KANK1: variants seen among roughly 807,000 people sequenced by gnomAD.
KANK1 encodes KN motif and ankyrin repeat domain-containing protein 1.
A neutral mutation model predicts 106.2 loss-of-function variants in KANK1; 109 were observed. The observed-to-expected ratio is 1.03, with a 90% CI of 0.88 to 1.20. KANK1 has a LOEUF of 1.20. KANK1 is among the 50% of genes most tolerant of loss of function. The pLI is 0.00. For synonymous variants in KANK1, 873 were observed against 652.2 expected (o/e 1.34, Z -5.16); for missense variants, 2,399 against 1,710.7 (o/e 1.40, Z -7.10).
At chr9:582,347 G>C (rs10491600) in intron 1 of KANK1, among the ~76,000 whole-genome samples, 1 of 152,092 alleles carries the variant, frequency 6.6e-6, no homozygotes, top group Non-Finnish European at 1.5e-5. Flanking sequence ...CTGTTATTCC[G>C]TAAGAGTAGC....
intron 6 of KANK1, chr9:733,762 A>G (rs929346490): frequency 6.6e-6 from 1 of 152,212 alleles, no homozygotes; most frequent in African/African-American, 2.4e-5. Flanking sequence ...ACCCTGTCTC[A>G]GAAAAAAAGT....
intron 1 of KANK1, among the ~76,000 whole-genome samples, chr9:608,022 A>ATTTTTTTTT (rs1451924370): frequency 1.4e-5 from 1 of 70,846 alleles, no homozygotes; most frequent in Non-Finnish European, 3.0e-5. Context: ...AATTATTATT[A>ATTTTTTTTT]TTATTATTAT....
At chr9:553,206 T>C (rs2134142744) in intron 1 of KANK1, among the ~76,000 whole-genome samples, 1 of 152,292 alleles carries the variant, frequency 6.6e-6, no homozygotes, top group South Asian at 2.1e-4. Context: ...TATCAGGTGG[T>C]TGCAATGAAA....
At chr9:726,075 A>G (rs1476259266) in intron 3 of KANK1, among the ~76,000 whole-genome samples, 1 of 152,200 alleles carries the variant, frequency 6.6e-6, no homozygotes, top group African/African-American at 2.4e-5. Context: ...TAATACATAC[A>G]TATGTAAATA....
intron 1 of KANK1, among the ~76,000 whole-genome samples, chr9:584,671 G>T (rs1240757738): frequency 1.3e-5 from 2 of 152,136 alleles, no homozygotes; most frequent in Non-Finnish European, 2.9e-5. Context: ...AGATTTGTTA[G>T]GGAACCAAAA....
At chr9:485,481 A>C (rs1352780750) in intron 3 of KANK1, among the ~76,000 whole-genome samples, 1 of 152,202 alleles carries the variant, frequency 6.6e-6, no homozygotes, top group African/African-American at 2.4e-5. Flanking sequence ...AGAGTTATTG[A>C]GGAAAATTCA....
At chr9:612,352 A>G (rs888484327) in intron 1 of KANK1, among the ~76,000 whole-genome samples, 1 of 152,168 alleles carries the variant, frequency 6.6e-6, no homozygotes, top group Non-Finnish European at 1.5e-5. Flanking sequence ...ATGCACTCTG[A>G]CTGGGTGTCA....
rs1829363399 is a variant in KANK1 at position 721,613 on chromosome 9, C to T, written c.2698+8149C>T. ...ATAGTACCCCTTTTATTGACTCCAG[C>T]TTTGTCCACTTTTTTGGATAAGGTC... On this transcript the variant is annotated intron_variant, in intron 3 of 11. Transcript: ENST00000382297. 2.0e-5 allele frequency among the ~76,000 whole-genome samples: 3 copies of T among 152,178 alleles called. No homozygotes were observed. The South Asian group carries it at 6.2e-4, about 32-fold the overall frequency.
chr9:582,348 T>C (rs1448958204), intron 1 of KANK1, among the ~76,000 whole-genome samples: 1 of 152,192 alleles, frequency 6.6e-6, no homozygotes, highest in Non-Finnish European at 1.5e-5. Flanking sequence ...TGTTATTCCG[T>C]AAGAGTAGCC....
At chr9:548,122 A>G (rs1157007253) in intron 1 of KANK1, among the ~76,000 whole-genome samples, 1 of 152,214 alleles carries the variant, frequency 6.6e-6, no homozygotes, top group African/African-American at 2.4e-5. Context: ...TTATTACATT[A>G]GTACTAAAAA....
chr9:693,903 G>A (rs1044371167), intron 2 of KANK1: 1 of 825,316 alleles, frequency 1.2e-6, no homozygotes, highest in African/African-American at 1.8e-5. Flanking sequence ...TTTACTTCAA[G>A]CTAGAAAGAA....
At chr9:602,909 T>G (rs1245931375) in intron 1 of KANK1, among the ~76,000 whole-genome samples, 3 of 152,014 alleles carry the variant, frequency 2.0e-5, no homozygotes, top group Non-Finnish European at 4.4e-5. Context: ...AAGAGCTATT[T>G]CTGTGAAAAC....
At position 525,532 on chromosome 9, in the gene KANK1, G is replaced by A. The variant is rs147616244; in HGVS notation, c.-84+20778G>A. 3.2e-4 allele frequency among the ~76,000 whole-genome samples: 48 copies of A among 151,068 alleles called. No individual in the cohort carries two copies. In the East Asian group the frequency reaches 7.6e-3, roughly 24 times the overall value. On this transcript the variant is annotated intron_variant, in intron 1 of 11. Transcript: ENST00000382297. The stretch of plus-strand genomic sequence containing the variant: ...GTAGCTGGGATTGCTGGGATGCGCC[G>A]CCATGCCCTGCTAATTTTTGTATTT...
At chr9:725,784 A>T (rs1830496253) in intron 3 of KANK1, among the ~76,000 whole-genome samples, 1 of 152,130 alleles carries the variant, frequency 6.6e-6, no homozygotes, top group Admixed American at 6.5e-5. Context: ...AGGGCTTGTT[A>T]TTCGTTCTTT....
At chr9:667,409 A>G (rs1007396690) in intron 1 of KANK1, among the ~76,000 whole-genome samples, 5 of 150,796 alleles carry the variant, frequency 3.3e-5, no homozygotes, top group African/African-American at 9.7e-5. Flanking sequence ...AATTTCATTT[A>G]TTTTTGCTCT....
intron 1 of KANK1, among the ~76,000 whole-genome samples, chr9:509,159 G>C (rs949478295): frequency 5.3e-5 from 8 of 152,040 alleles, no homozygotes; most frequent in African/African-American, 1.9e-4. Flanking sequence ...GTGCAGTGGC[G>C]CGATCTTGAC....
At chr9:653,104 C>T (rs1324460749) in intron 1 of KANK1, among the ~76,000 whole-genome samples, 2 of 152,186 alleles carry the variant, frequency 1.3e-5, no homozygotes, top group East Asian at 1.9e-4. Flanking sequence ...GCAACGTCAG[C>T]TCAAGGAAGC....
intron 11 of KANK1, chr9:744,901 G>A (rs1359779450): frequency 1.4e-6 from 2 of 1,416,442 alleles, no homozygotes; most frequent in Non-Finnish European, 1.8e-6. Flanking sequence ...CCATGGTTCT[G>A]GCATTGTTCC....
intron 1 of KANK1, among the ~76,000 whole-genome samples, chr9:626,390 G>C (rs796889207): frequency 7.2e-5 from 11 of 152,232 alleles, no homozygotes; most frequent in African/African-American, 2.6e-4. Context: ...AGGAGGCAGA[G>C]GTTGCAGTGA....
Sources: allele counts gnomAD v4.1 joint callset (sites outside exome capture counted in the v4.1 genomes callset), GRCh38; gene constraint gnomAD v4.1.1; transcripts MANE v1.5; gene names NCBI Gene and HGNC (gene_info 2026-07-23, HGNC 2026-07-21).